Variants in METTL25 observed in about 807,000 individuals in gnomAD.
The protein encoded by METTL25 is methyltransferase like 25.
In METTL25, 64 loss-of-function variants were observed where a neutral mutation model predicts 71.6. That is an observed-to-expected ratio of 0.89 (90% CI 0.73 to 1.10). The LOEUF is 1.10. Among genes scored for constraint, METTL25 ranks in the 50% least tolerant of loss-of-function variants. METTL25 has a pLI of 0.00. For missense variants in METTL25, 807 were observed against 707.0 expected (o/e 1.14, Z -1.60); for synonymous variants, 287 against 250.3 (o/e 1.15, Z -1.38).
intron 8 of METTL25, among the ~76,000 whole-genome samples, chr12:82,448,998 A>G (rs1242230763): frequency 6.6e-6 from 1 of 152,182 alleles, no homozygotes; most frequent in Admixed American, 6.6e-5. Context: ...TTTCTCTAAA[A>G]TCTCCCTCCA....
At chr12:82,400,051 C>T (rs1005182592) in intron 4 of METTL25, among the ~76,000 whole-genome samples, 44 of 151,480 alleles carry the variant, frequency 2.9e-4, no homozygotes, top group Non-Finnish European at 4.4e-5. Context: ...AGGCTGAGTG[C>T]CGTGGCTCAC....
intron 1 of METTL25, among the ~76,000 whole-genome samples, chr12:82,378,396 G>A (rs182808937): frequency 6.6e-6 from 1 of 152,274 alleles, no homozygotes; most frequent in East Asian, 1.9e-4. Flanking sequence ...AAGATCTGGT[G>A]GAGATAGGGT....
intron 1 of METTL25, among the ~76,000 whole-genome samples, chr12:82,384,623 A>G (rs1385235780): frequency 6.6e-6 from 1 of 152,100 alleles, no homozygotes; most frequent in Non-Finnish European, 1.5e-5. Context: ...TTTAAAAAAA[A>G]ATATTGTTGT....
chr12:82,452,913 A>G (rs1891244326), intron 8 of METTL25, among the ~76,000 whole-genome samples: 1 of 152,186 alleles, frequency 6.6e-6, no homozygotes, highest in African/African-American at 2.4e-5. Context: ...GAAGAGGCAA[A>G]GAGGTTGTAT....
At chr12:82,387,792 C>T (rs558208769) in intron 2 of METTL25, among the ~76,000 whole-genome samples, 144 of 152,132 alleles carry the variant, frequency 9.5e-4, no homozygotes, top group African/African-American at 3.2e-3. Context: ...CTCTCAAATA[C>T]TTCACTCTGT....
intron 6 of METTL25, among the ~76,000 whole-genome samples, chr12:82,432,053 ATGT>A (rs1228461501): frequency 6.6e-6 from 1 of 151,738 alleles, no homozygotes; most frequent in African/African-American, 2.4e-5. Flanking sequence ...TATAAACATC[ATGT>A]TGTATACTTT....
At chr12:82,380,206 G>A (rs1469148653) in intron 1 of METTL25, among the ~76,000 whole-genome samples, 1 of 152,112 alleles carries the variant, frequency 6.6e-6, no homozygotes, top group Non-Finnish European at 1.5e-5. Flanking sequence ...CCACTTATGA[G>A]TGAGAACGTT....
chr12:82,478,814 T>C (rs997547604), intron 11 of METTL25, 118 bp from the exon 12 acceptor site: 1 of 772,014 alleles, frequency 1.3e-6, no homozygotes. Flanking sequence ...GCATAAGAAT[T>C]TTCTGTGAAA....
intron 8 of METTL25, among the ~76,000 whole-genome samples, chr12:82,445,540 G>T (rs1890678571): frequency 6.6e-6 from 1 of 152,112 alleles, no homozygotes; most frequent in Non-Finnish European, 1.5e-5. Flanking sequence ...TTCTCCAGTG[G>T]ACTGTGTATC....
chr12:82,461,562 T>C (rs1174607420), intron 9 of METTL25, among the ~76,000 whole-genome samples: 1 of 152,162 alleles, frequency 6.6e-6, no homozygotes, highest in East Asian at 1.9e-4. Flanking sequence ...AGCACAAGAA[T>C]GCTTGTTTGG....
chr12:82,453,921 G>A (rs978904607), intron 8 of METTL25, among the ~76,000 whole-genome samples: 3 of 152,076 alleles, frequency 2.0e-5, no homozygotes, highest in Admixed American at 1.3e-4. Flanking sequence ...GCTGATTAAA[G>A]TAGTAGTCTC....
intron 1 of METTL25, among the ~76,000 whole-genome samples, chr12:82,379,334 G>C (rs999484437): frequency 1.3e-5 from 2 of 152,040 alleles, no homozygotes; most frequent in African/African-American, 2.4e-5. Flanking sequence ...TATATTTTTA[G>C]TATACTTTAC....
At position 82,358,700 on chromosome 12, in the gene METTL25, C is replaced by T. The variant is rs771341857; in HGVS notation, c.135C>T (p.Ser45=). 3.7e-6 allele frequency: 6 copies of T among 1,614,190 alleles called. No homozygotes were observed. The South Asian group carries it at 4.4e-5, about 12-fold the overall frequency. ...NAHTVDFYTE[S]VWEELVDLPP... ...ATACCGTGGATTTCTACACAGAATC[C>T]GTGTGGGAGGAGCTGGTCGACTTGC... The change falls in exon 1 of 12, where the codon TCC becomes TCT. Residue 45 remains serine (S), a synonymous_variant. Coordinates refer to ENST00000248306, the MANE Select transcript of METTL25 (RefSeq NM_032230.3).
chr12:82,475,851 A>G (rs1456715604), intron 9 of METTL25, among the ~76,000 whole-genome samples: 2 of 152,088 alleles, frequency 1.3e-5, no homozygotes, highest in African/African-American at 4.8e-5. Flanking sequence ...TTTACCTTAT[A>G]TACTTACCAT....
intron 5 of METTL25, among the ~76,000 whole-genome samples, chr12:82,403,705 G>A (rs76056516): frequency 3.3e-5 from 5 of 152,290 alleles, no homozygotes; most frequent in African/African-American, 1.2e-4. Context: ...AGGTTTGCAA[G>A]ATTTGAAGCA....
chr12:82,421,511 A>G (rs1318023188), intron 5 of METTL25, among the ~76,000 whole-genome samples: 3 of 152,158 alleles, frequency 2.0e-5, no homozygotes, highest in Non-Finnish European at 2.9e-5. Flanking sequence ...TAAGGTGCCA[A>G]TGAAATATCC....
intron 5 of METTL25, among the ~76,000 whole-genome samples, chr12:82,423,694 A>G (rs1157580766): frequency 1.3e-5 from 2 of 152,206 alleles, no homozygotes; most frequent in Admixed American, 6.5e-5. Flanking sequence ...ACAAATTTAC[A>G]AGAAAAAAAT....
intron 3 of METTL25, among the ~76,000 whole-genome samples, chr12:82,394,863 A>C (rs140186449): frequency 1.4e-4 from 21 of 152,038 alleles, no homozygotes; most frequent in African/African-American, 4.3e-4. Context: ...TAAGCTATCC[A>C]TTAGATGATC....
In METTL25 at chr12:82,389,818, GA is replaced by G; in HGVS notation, c.431del (p.Asn144IlefsTer8). ...LRGNQNQRIG[E>X]NQKAVEFMNM... ...GTTTTTACTTTTATTTTCATTAGGT[GA>G]AAATCAGAAGGCAGTTGAGTTTATG... On this transcript the variant is annotated frameshift_variant, in exon 3 of 12. Coordinates refer to ENST00000248306, the MANE Select transcript of METTL25 (RefSeq NM_032230.3). LOFTEE classifies it high-confidence loss of function. The G allele has an allele frequency of 6.3e-7, 1 of 1,587,146 alleles. No individual in the cohort carries two copies. Among genetic ancestry groups the G allele is most frequent in the Non-Finnish European group, 8.6e-7 (1 of 1,160,274 alleles).
Sources: gnomAD v4.1 joint callset for allele counts (sites outside exome capture counted in the v4.1 genomes callset) on GRCh38, gnomAD v4.1.1 for gene constraint, MANE v1.5 for transcripts, NCBI Gene and HGNC (gene_info 2026-07-23, HGNC 2026-07-21) for gene names.